PLEKHA5: variants seen among roughly 807,000 people sequenced by gnomAD.
PLEKHA5 encodes the protein pleckstrin homology domain-containing family A member 5.
A neutral mutation model predicts 181.9 loss-of-function variants in PLEKHA5; 55 were observed. The observed-to-expected ratio is 0.30, with a 90% CI of 0.24 to 0.38. The LOEUF (loss-of-function observed/expected upper bound fraction) is 0.38. Ranked by LOEUF, PLEKHA5 falls within the 10% of genes least tolerant of loss-of-function variation. The probability of loss-of-function intolerance (pLI) is 1.00; values close to 1 mark genes in which losing one functional copy is unlikely to be tolerated. For missense variants in PLEKHA5, 1,432 were observed against 1,549.5 expected (o/e 0.92, Z 1.27); for synonymous variants, 535 against 529.4 (o/e 1.01, Z -0.15).
intron 12 of PLEKHA5, among the ~76,000 whole-genome samples, 158 bp downstream of exon 12, chr12:19,283,903 A>G (rs1043734273): frequency 6.6e-6 from 1 of 152,226 alleles, no homozygotes. Flanking sequence ...ATTTTACAAC[A>G]TTAAGATCTC....
intron 2 of PLEKHA5, among the ~76,000 whole-genome samples, chr12:19,131,760 G>C (rs559778515): frequency 1.2e-4 from 18 of 151,544 alleles, no homozygotes; most frequent in South Asian, 4.2e-4. Context: ...GAGGCATTTT[G>C]ATGAAATCCA....
intron 3 of PLEKHA5, among the ~76,000 whole-genome samples, chr12:19,229,675 C>T (rs888300775): frequency 1.3e-5 from 2 of 152,132 alleles, no homozygotes; most frequent in African/African-American, 4.8e-5. Context: ...ACAAAGCTTC[C>T]ACAGTGTGGA....
intron 20 of PLEKHA5, among the ~76,000 whole-genome samples, chr12:19,334,829 A>AAAAATATATATATATAT: frequency 1.1e-4 from 2 of 18,608 alleles, no homozygotes; most frequent in African/African-American, 2.4e-4. Flanking sequence ...AAAAAAAAAA[A>AAAAATATATATATATAT]ATATATATAT....
intron 3 of PLEKHA5, among the ~76,000 whole-genome samples, chr12:19,229,085 T>A (rs1216647416): frequency 6.6e-6 from 1 of 152,182 alleles, no homozygotes; most frequent in Non-Finnish European, 1.5e-5. Flanking sequence ...TGTAGAAGTG[T>A]GGCAAGTTAA....
intron 21 of PLEKHA5, among the ~76,000 whole-genome samples, chr12:19,340,936 A>G (rs2093862294): frequency 8.4e-6 from 1 of 119,720 alleles, no homozygotes; most frequent in South Asian, 3.3e-4. Context: ...AACACCCAAG[A>G]ATGATCAATA....
chr12:19,277,321 AGT>A (rs1033739471), intron 11 of PLEKHA5, among the ~76,000 whole-genome samples: 1 of 152,198 alleles, frequency 6.6e-6, no homozygotes, highest in African/African-American at 2.4e-5. Flanking sequence ...TAAGTTTAAA[AGT>A]GTATAGAGAG....
chr12:19,369,943 A>G (rs988784128), intron 31 of PLEKHA5, 145 bp downstream of exon 31: 1 of 463,058 alleles, frequency 2.2e-6, no homozygotes. Context: ...TCTTGGAACC[A>G]GGGTTGGTAA....
At chr12:19,236,385 C>A (rs1277410490) in intron 3 of PLEKHA5, among the ~76,000 whole-genome samples, 5 of 152,186 alleles carry the variant, frequency 3.3e-5, no homozygotes, top group South Asian at 4.2e-4. Context: ...TAGAATCTAT[C>A]TTGTTGGGTT....
At chr12:19,182,899 G>A (rs2048935843) in intron 3 of PLEKHA5, among the ~76,000 whole-genome samples, 1 of 152,182 alleles carries the variant, frequency 6.6e-6, no homozygotes, top group Non-Finnish European at 1.5e-5. Context: ...AGTGTGAACA[G>A]TCTTAAGAAG....
At chr12:19,338,435 C>T (rs553114086) in intron 21 of PLEKHA5, among the ~76,000 whole-genome samples, 18 of 152,046 alleles carry the variant, frequency 1.2e-4, no homozygotes, top group South Asian at 1.0e-3. Context: ...GCCTGGCCAA[C>T]GCAGTGAAAC....
chr12:19,212,446 C>T (rs978013636), intron 3 of PLEKHA5, among the ~76,000 whole-genome samples: 7 of 152,126 alleles, frequency 4.6e-5, no homozygotes, highest in East Asian at 1.9e-4. Flanking sequence ...ACTCAGAGGC[C>T]GAGGCGGGCT....
At chr12:19,265,629 C>A in intron 7 of PLEKHA5, 121 bp from the exon 8 acceptor site, 1 of 609,584 alleles carries the variant, frequency 1.6e-6, no homozygotes, top group African/African-American at 1.9e-5. Flanking sequence ...AAAGGCCTGC[C>A]TGAACATGAA....
chr12:19,179,510 A>G (rs1484904432), intron 3 of PLEKHA5, among the ~76,000 whole-genome samples: 1 of 151,968 alleles, frequency 6.6e-6, no homozygotes, highest in African/African-American at 2.4e-5. Context: ...AAATAACAAA[A>G]TTAGCCTGGC....
At chr12:19,235,612 C>T (rs1592153905) in intron 3 of PLEKHA5, among the ~76,000 whole-genome samples, 1 of 151,994 alleles carries the variant, frequency 6.6e-6, no homozygotes, top group South Asian at 2.1e-4. Flanking sequence ...AATGGAGTCA[C>T]GGGGAGGCTA....
chr12:19,296,359 A>T (rs2079801534), intron 15 of PLEKHA5, among the ~76,000 whole-genome samples: 1 of 151,924 alleles, frequency 6.6e-6, no homozygotes, highest in African/African-American at 2.4e-5. Context: ...CCAGCCTGGG[A>T]CAACATGGTG....
intron 3 of PLEKHA5, among the ~76,000 whole-genome samples, chr12:19,190,535 A>G (rs1272971560): frequency 6.6e-6 from 1 of 152,214 alleles, no homozygotes; most frequent in Non-Finnish European, 1.5e-5. Context: ...ACAATCTAAA[A>G]GTCTTAGTAG....
intron 3 of PLEKHA5, among the ~76,000 whole-genome samples, chr12:19,175,241 G>A (rs191922517): frequency 6.6e-6 from 1 of 152,288 alleles, no homozygotes; most frequent in Admixed American, 6.5e-5. Flanking sequence ...TCATTCATCA[G>A]TTCTATACCT....
intron 25 of PLEKHA5, among the ~76,000 whole-genome samples, chr12:19,349,274 C>T (rs937077126): frequency 1.8e-4 from 27 of 151,982 alleles, no homozygotes; most frequent in African/African-American, 6.0e-4. Flanking sequence ...CACCACCATA[C>T]CCAACTAATT....
chr12:19,353,900 T>TGGA lies in PLEKHA5; in HGVS notation c.3038_3040dup (p.Gly1013dup), dbSNP rs1053763320. 4 of 1,581,512 alleles carry TGGA rather than the reference T, an allele frequency of 2.5e-6. No homozygotes were observed. The African/African-American group carries it at 5.4e-5, about 21-fold the overall frequency. ...AATTTTTAGGTTCCCACTTTCCTGT[T>TGGA]GGAGTAGTCCCTCCAAGAGCAAAAT... On this transcript the variant is annotated inframe_insertion, in exon 26 of 32. Transcript: ENST00000429027.
Sources: allele counts gnomAD v4.1 joint callset (sites outside exome capture counted in the v4.1 genomes callset), GRCh38; gene constraint gnomAD v4.1.1; transcripts MANE v1.5; gene names NCBI Gene and HGNC (gene_info 2026-07-23, HGNC 2026-07-21).